Variants in NUP37 observed in about 807,000 individuals in gnomAD.
The protein encoded by NUP37 is nucleoporin Nup37.
A neutral mutation model predicts 45.4 loss-of-function variants in NUP37; 33 were observed. That is an observed-to-expected ratio of 0.73 (90% CI 0.55 to 0.97). NUP37 has a LOEUF of 0.97. Ranked by LOEUF, NUP37 falls within the 50% of genes least tolerant of loss-of-function variation. NUP37 has a pLI of 0.00. For missense variants in NUP37, 365 were observed against 389.7 expected, an observed-to-expected ratio of 0.94 and a Z score of 0.53; for synonymous variants, 127 against 130.7, an observed-to-expected ratio of 0.97 and a Z score of 0.19.
Position 102,073,690 on chromosome 12 carries a change from G to GA in NUP37, c.*663dup, listed in dbSNP as rs1247345047. The GA allele has an allele frequency of 6.6e-6, 1 of 151,726 alleles. No individual in the cohort carries two copies. The highest frequency in any genetic ancestry group is 2.4e-5 in the African/African-American group (1 of 41,288). The allele number at this position is 151,726 out of a possible 1,614,324, so 9.4% of individuals were successfully genotyped here. ...ACCCTAAGATATTTTTTTCTCCTTG[G>GA]ATTTTTTTTCTTTTGAGATAGTCTC... is the stretch of plus-strand genomic sequence containing the variant. On this transcript the variant is annotated 3_prime_UTR_variant, in exon 10 of 10. Coordinates refer to ENST00000552283, the MANE Select transcript of NUP37 (RefSeq NM_024057.4).
Position 102,077,441 on chromosome 12 carries a change from A to G in NUP37, c.603T>C (p.Ile201=). Residue 201 remains isoleucine (I), a synonymous_variant, in exon 7 of 10, where the codon ATT becomes ATC. Coordinates refer to ENST00000552283, the MANE Select transcript of NUP37 (RefSeq NM_024057.4). ...RFYDLLAQQA[I]LSLESEQVPL... ...GCACTTGTTCTGATTCAAGAGATAA[A>G]ATAGCCTGTTGGGCCAAAAGATCAT... 6.2e-7 allele frequency: 1 copy of G among 1,614,118 alleles called. No homozygotes were observed.
Position 102,077,315 on chromosome 12 carries a change from A to T in NUP37, c.722+7T>A. ...GTGTGTAATAGACAAACATATCAAGAAAGTACCTGGACCGAGTAATATCCC... is the reference window on the plus strand; with the variant it reads ...GTGTGTAATAGACAAACATATCAAGTAAGTACCTGGACCGAGTAATATCCC... On this transcript the variant is annotated splice_region_variant and intron_variant, in intron 7 of 9. Coordinates refer to ENST00000552283, the MANE Select transcript of NUP37 (RefSeq NM_024057.4). 6.2e-7 allele frequency: 1 copy of T among 1,613,906 alleles called. No homozygotes were observed. Among genetic ancestry groups the T allele is most frequent in the Non-Finnish European group, 8.5e-7 (1 of 1,179,866 alleles).
intron 5 of NUP37, among the ~76,000 whole-genome samples, chr12:102,089,155 C>T (rs1277262088): frequency 1.3e-5 from 2 of 151,976 alleles, no homozygotes; most frequent in South Asian, 2.1e-4. Flanking sequence ...CTTTTCCCCA[C>T]ATTTCCCCCT....
intron 6 of NUP37, among the ~76,000 whole-genome samples, chr12:102,083,186 C>G (rs1879375939): frequency 6.6e-6 from 1 of 152,146 alleles, no homozygotes; most frequent in Non-Finnish European, 1.5e-5. Flanking sequence ...ATTTGTCATG[C>G]AGGTCATAGT....
chr12:102,088,858 G>T (rs1013021729), intron 5 of NUP37, among the ~76,000 whole-genome samples: 14 of 151,090 alleles, frequency 9.3e-5, no homozygotes, highest in Non-Finnish European at 1.8e-4. Context: ...GGTCCCTGCG[G>T]CCTTCCGCAG....
chr12:102,118,295 T>C, intron 2 of NUP37, 68 bp downstream of exon 2: 2 of 1,403,974 alleles, frequency 1.4e-6, no homozygotes, highest in Middle Eastern at 1.8e-4. Flanking sequence ...AGTTTAGATT[T>C]GGTTTGTGTA....
Position 102,118,431 on chromosome 12 carries a change from C to T in NUP37, c.88G>A (p.Gly30Arg), listed in dbSNP as rs756904951. ...HVVEFNPFENGDSGNLIAYGG... is the reference protein window; with the variant it reads ...HVVEFNPFENRDSGNLIAYGG... The stretch of plus-strand genomic sequence containing the variant: ...TATGCAATTAGGTTTCCTGAATCCC[C>T]ATTCTCAAAGGGATTAAATTCTACC... The change falls in exon 2 of 10, where the codon GGG becomes AGG. Residue 30 changes from glycine (G) to arginine (R), a missense_variant. Transcript: ENST00000552283. The T allele has an allele frequency of 4.3e-6, 7 of 1,613,778 alleles. No homozygotes were observed. The highest frequency in any genetic ancestry group is 5.9e-6 in the Non-Finnish European group (7 of 1,179,896).
rs950024955 is a variant in NUP37, at chr12:102,111,367, C to T, written c.281+741G>A. Among the ~76,000 whole-genome samples, 13 of 152,180 alleles carry T rather than the reference C, an allele frequency of 8.5e-5. 1 individual carries two copies. Among genetic ancestry groups the T allele is most frequent in the Admixed American group, 1.3e-4 (2 of 15,292 alleles). ...GTGCATGAATAGGGTGTGGGTTGTA[C>T]AAATATACGTATTTGTCAAAACTGA... is the stretch of plus-strand genomic sequence containing the variant. On this transcript the variant is annotated intron_variant, in intron 3 of 9. Transcript: ENST00000552283.
intron 3 of NUP37, among the ~76,000 whole-genome samples, chr12:102,110,716 C>T (rs1880291210): frequency 6.6e-6 from 1 of 151,908 alleles, no homozygotes; most frequent in African/African-American, 2.4e-5. Flanking sequence ...ATGATGGGCG[C>T]CTATAGTCCC....
rs184815450 is a variant in NUP37, at chr12:102,089,454, G to A, written c.450-3598C>T. ...CGAGGCACTCCTCACTTCCCAGACGGGGCGGCCGGGCAGAGGCGCTCCTCA... is the reference window on the plus strand; with the variant it reads ...CGAGGCACTCCTCACTTCCCAGACGAGGCGGCCGGGCAGAGGCGCTCCTCA... On this transcript the variant is annotated intron_variant, in intron 5 of 9. Transcript: ENST00000552283. 3.9e-3 allele frequency among the ~76,000 whole-genome samples: 542 copies of A among 137,464 alleles called. 4 individuals are homozygous for A. The highest frequency in any genetic ancestry group is 0.012 in the African/African-American group (453 of 36,312). The allele number at this position is 137,464 out of a possible 152,430, so 90.2% of individuals were successfully genotyped here.
chr12:102,101,216 A>G, intron 3 of NUP37, 112 bp from the exon 4 acceptor site: 1 of 540,916 alleles, frequency 1.8e-6, no homozygotes, highest in Non-Finnish European at 3.3e-6. Flanking sequence ...ATAACTCATA[A>G]TCATGCTTTT....
intron 4 of NUP37, 51 bp from the exon 5 acceptor site, chr12:102,099,251 A>G: frequency 8.2e-7 from 1 of 1,226,488 alleles, no homozygotes; most frequent in Non-Finnish European, 1.2e-6. Context: ...AAAATAACCT[A>G]CAATATTCCT....
rs1476976223 is a variant in NUP37, at chr12:102,079,808, G to A, written c.541-2305C>T. 2.6e-5 allele frequency among the ~76,000 whole-genome samples: 4 copies of A among 152,250 alleles called. No homozygotes were observed. In the East Asian group the frequency reaches 7.7e-4, roughly 29 times the overall value. ...TGTGGCACTAAACTGACGAGGAAAAGACACATATTTACAGTATGAAAGCTA... is the reference window on the plus strand; with the variant it reads ...TGTGGCACTAAACTGACGAGGAAAAAACACATATTTACAGTATGAAAGCTA... On this transcript the variant is annotated intron_variant, in intron 6 of 9. Coordinates refer to ENST00000552283, the MANE Select transcript of NUP37 (RefSeq NM_024057.4).
chr12:102,117,620 T>C (rs1880502203), intron 2 of NUP37, among the ~76,000 whole-genome samples: 1 of 152,114 alleles, frequency 6.6e-6, no homozygotes, highest in Non-Finnish European at 1.5e-5. Flanking sequence ...AACCTGAGAG[T>C]GTTACCACTG....
At chr12:102,102,214 C>T (rs1478931323) in intron 3 of NUP37, among the ~76,000 whole-genome samples, 1 of 152,094 alleles carries the variant, frequency 6.6e-6, no homozygotes, top group Non-Finnish European at 1.5e-5. Flanking sequence ...TACAGTGAGC[C>T]ATTTTTTCTC....
rs547858714 is a variant in NUP37, at chr12:102,085,793, C to T, written c.513G>A (p.Val171=). 14 of 1,593,856 alleles carry T rather than the reference C, an allele frequency of 8.8e-6. No individual in the cohort carries two copies. The South Asian group carries it at 1.1e-4, about 13-fold the overall frequency. Residue 171 remains valine (V), a synonymous_variant, in exon 6 of 10, where the codon GTG becomes GTA. Coordinates refer to ENST00000552283, the MANE Select transcript of NUP37 (RefSeq NM_024057.4). The part of the protein sequence containing the change: ...HFVLHSPGMS[V]CWHPEETFKL... ...TAAAAGTCTCCTCAGGATGCCAGCA[C>T]ACACTCATGCCAGGAGAATGAAGAA...
At chr12:102,092,286 G>C (rs1879677676) in intron 5 of NUP37, among the ~76,000 whole-genome samples, 1 of 152,096 alleles carries the variant, frequency 6.6e-6, no homozygotes. Flanking sequence ...AACTGGTAAA[G>C]CAAAAAATAT....
At chr12:102,094,734 A>G (rs906900763) in intron 5 of NUP37, among the ~76,000 whole-genome samples, 1 of 152,056 alleles carries the variant, frequency 6.6e-6, no homozygotes, top group Non-Finnish European at 1.5e-5. Context: ...ACATTCTAAT[A>G]TCTTATTCTT....
At position 102,085,805 on chromosome 12, in the gene NUP37, A is replaced by C; in HGVS notation, c.501T>G (p.Pro167=). The C allele has an allele frequency of 6.2e-7, 1 of 1,601,458 alleles. No individual in the cohort carries two copies. Among genetic ancestry groups the C allele is most frequent in the African/African-American group, 1.3e-5 (1 of 74,656 alleles). ...CAGGATGCCAGCACACACTCATGCC[A>C]GGAGAATGAAGAACAAAATGAGCTG... ...VQTAHFVLHS[P]GMSVCWHPEE... The change falls in exon 6 of 10, where the codon CCT becomes CCG. Residue 167 remains proline (P), a synonymous_variant. Coordinates refer to ENST00000552283, the MANE Select transcript of NUP37 (RefSeq NM_024057.4).
Sources: gnomAD v4.1 joint callset for allele counts (sites outside exome capture counted in the v4.1 genomes callset) on GRCh38, gnomAD v4.1.1 for gene constraint, MANE v1.5 for transcripts, NCBI Gene and HGNC (gene_info 2026-07-23, HGNC 2026-07-21) for gene names.